The following RARB variants were observed in gnomAD, a reference collection of about 807,000 sequenced individuals.
RARB encodes HBV-activated protein.
In RARB, 17 loss-of-function variants were observed where a neutral mutation model predicts 51.9. The observed-to-expected ratio is 0.33, with a 90% CI of 0.22 to 0.49. RARB has a LOEUF of 0.49. Among genes scored for constraint, RARB ranks in the 20% least tolerant of loss-of-function variants. The pLI is 0.99. For missense variants in RARB, 369 were observed against 550.8 expected, an observed-to-expected ratio of 0.67 and a Z score of 3.30; for synonymous variants, 215 against 195.4, an observed-to-expected ratio of 1.10 and a Z score of -0.84.
At chr3:25,322,825 G>A (rs1390101470) in intron 5 of RARB, among the ~76,000 whole-genome samples, 2 of 152,118 alleles carry the variant, frequency 1.3e-5, no homozygotes, top group South Asian at 4.1e-4. Context: ...AACATGAGTT[G>A]GAAATCCCTG....
chr3:25,424,764 A>C (rs955339796), upstream of RARB, among the ~76,000 whole-genome samples: 1 of 152,142 alleles, frequency 6.6e-6, no homozygotes, highest in African/African-American at 2.4e-5. Flanking sequence ...AGCCGGCTGC[A>C]GTACGGTGCA....
chr3:25,457,332 G>A (rs1028855329), intron 1 of RARB, among the ~76,000 whole-genome samples: 2 of 152,184 alleles, frequency 1.3e-5, no homozygotes, highest in African/African-American at 4.8e-5. Flanking sequence ...TGCCTGGCAT[G>A]TTATGTCACT....
At chr3:24,885,855 A>G (rs373184364) in intron 2 of RARB, among the ~76,000 whole-genome samples, 2 of 152,222 alleles carry the variant, frequency 1.3e-5, no homozygotes, top group African/African-American at 4.8e-5. Context: ...AAGTTGTATC[A>G]TATGTGCCTT....
chr3:25,388,723 G>C (rs1319108128), intron 5 of RARB, among the ~76,000 whole-genome samples: 2 of 152,166 alleles, frequency 1.3e-5, no homozygotes, highest in Non-Finnish European at 2.9e-5. Context: ...AACTGTACAA[G>C]GGAAGCCTGC....
At chr3:25,491,442 T>C (rs1388403920) in intron 2 of RARB, among the ~76,000 whole-genome samples, 1 of 152,292 alleles carries the variant, frequency 6.6e-6, no homozygotes, top group East Asian at 1.9e-4. Flanking sequence ...AGTGAACTAC[T>C]TAATTCTGTC....
At chr3:25,435,629 G>A (rs4404412) in intron 1 of RARB, among the ~76,000 whole-genome samples, 1 of 152,202 alleles carries the variant, frequency 6.6e-6, no homozygotes, top group African/African-American at 2.4e-5. Context: ...TGTTATTGAA[G>A]AGAATTCTTA....
chr3:24,894,531 T>C (rs1703443141), intron 2 of RARB, among the ~76,000 whole-genome samples: 1 of 152,124 alleles, frequency 6.6e-6, no homozygotes, highest in Non-Finnish European at 1.5e-5. Flanking sequence ...GGTACTGAGG[T>C]TTATTCCATG....
intron 2 of RARB, among the ~76,000 whole-genome samples, chr3:25,023,548 A>C (rs1022442484): frequency 6.6e-6 from 1 of 152,166 alleles, no homozygotes; most frequent in Non-Finnish European, 1.5e-5. Flanking sequence ...GGACTACATC[A>C]CAAAGGGAGT....
At chr3:25,348,520 T>C (rs1363694139) in intron 5 of RARB, among the ~76,000 whole-genome samples, 1 of 151,948 alleles carries the variant, frequency 6.6e-6, no homozygotes, top group Non-Finnish European at 1.5e-5. Context: ...GGTAATATAA[T>C]TTGTAAATCC....
At chr3:25,588,476 T>C (rs527530984) in intron 5 of RARB, among the ~76,000 whole-genome samples, 1 of 152,298 alleles carries the variant, frequency 6.6e-6, no homozygotes, top group Admixed American at 6.5e-5. Context: ...TCGAGATTTG[T>C]GTGCAGCTCC....
intron 5 of RARB, among the ~76,000 whole-genome samples, chr3:25,590,019 T>C (rs997022068): frequency 6.6e-6 from 1 of 152,196 alleles, no homozygotes; most frequent in Non-Finnish European, 1.5e-5. Flanking sequence ...CTGTTTCACA[T>C]GGGGGCCATC....
intron 5 of RARB, among the ~76,000 whole-genome samples, chr3:25,415,080 G>A (rs1383521416): frequency 1.3e-5 from 2 of 152,132 alleles, no homozygotes; most frequent in African/African-American, 2.4e-5. Flanking sequence ...GACCTCAGGT[G>A]ATCTACCTGC....
chr3:25,441,282 TG>T, intron 1 of RARB: 1 of 406,256 alleles, frequency 2.5e-6, no homozygotes, highest in Non-Finnish European at 4.7e-6. Flanking sequence ...AGCTGCGCTC[TG>T]GAAGCTCAGA....
intron 5 of RARB, among the ~76,000 whole-genome samples, chr3:25,180,411 T>G (rs1046470210): frequency 2.0e-5 from 3 of 152,256 alleles, no homozygotes; most frequent in African/African-American, 7.2e-5. Flanking sequence ...TTGAGTTGGC[T>G]GAGTTCATTA....
chr3:25,172,125 G>T (rs1213764360), intron 4 of RARB, among the ~76,000 whole-genome samples: 2 of 152,164 alleles, frequency 1.3e-5, no homozygotes, highest in African/African-American at 2.4e-5. Flanking sequence ...GGACCATATG[G>T]TCTCACTGTT....
At position 24,989,793 on chromosome 3, in the gene RARB, T is replaced by C. The variant is rs1256092485; in HGVS notation, c.-379-70332T>C. Reference sequence around the variant, plus strand: ...GTTTTTCTTTTTTTTTTTTTTTTTTTTTTTTTTTTTTTTTTTTGAGACGGA... The same window carrying C: ...GTTTTTCTTTTTTTTTTTTTTTTTTCTTTTTTTTTTTTTTTTTGAGACGGA... On this transcript the variant is annotated intron_variant, in intron 2 of 11. Coordinates refer to the RARB transcript ENST00000383772. Among the ~76,000 whole-genome samples the C allele has an allele frequency of 2.2e-4, 6 of 27,274 alleles. 1 individual carries two copies. The highest frequency in any genetic ancestry group is 4.9e-4 in the African/African-American group (3 of 6,104). The allele number at this position is 27,274 out of a possible 152,430, so 17.9% of individuals were successfully genotyped here.
intron 5 of RARB, among the ~76,000 whole-genome samples, chr3:25,321,733 A>G (rs1704575605): frequency 6.6e-6 from 1 of 151,514 alleles, no homozygotes; most frequent in Non-Finnish European, 1.5e-5. Context: ...TAAATTAAAA[A>G]AAAATTGTGC....
At chr3:25,087,594 T>A (rs1009728618) in intron 3 of RARB, among the ~76,000 whole-genome samples, 1 of 152,140 alleles carries the variant, frequency 6.6e-6, no homozygotes, top group African/African-American at 2.4e-5. Flanking sequence ...ATAAATCAGA[T>A]AATACACATA....
intron 2 of RARB, among the ~76,000 whole-genome samples, chr3:24,907,410 T>G (rs896374118): frequency 5.3e-5 from 8 of 152,116 alleles, no homozygotes; most frequent in African/African-American, 1.9e-4. Flanking sequence ...AGTTACAAGA[T>G]GACTGAGAGG....
Sources: gnomAD v4.1 joint callset for allele counts (sites outside exome capture counted in the v4.1 genomes callset) on GRCh38, gnomAD v4.1.1 for gene constraint, MANE v1.5 for transcripts, NCBI Gene and HGNC (gene_info 2026-07-23, HGNC 2026-07-21) for gene names.